The following FAM114A2 variants were observed in gnomAD, a reference collection of about 807,000 sequenced individuals.
The protein encoded by FAM114A2 is family with sequence similarity 114 member A2.
FAM114A2 carries 53 observed loss-of-function variants against 58.4 expected under a neutral mutation model. The ratio of observed to expected loss-of-function variants is 0.91; its 90% confidence interval spans 0.73 to 1.14. The LOEUF is 1.14. FAM114A2 is among the 50% of genes most tolerant of loss of function. The pLI is 0.00. For synonymous variants in FAM114A2, 228 were observed against 211.4 expected (o/e 1.08, Z -0.68); for missense variants, 601 against 581.1 (o/e 1.03, Z -0.35).
chr5:154,022,987 C>T (rs1022180837), intron 8 of FAM114A2, among the ~76,000 whole-genome samples: 7 of 152,084 alleles, frequency 4.6e-5, no homozygotes, highest in Admixed American at 2.0e-4. Flanking sequence ...TCCTTTGTAG[C>T]GACATGGATG....
At chr5:154,026,315 G>A in intron 8 of FAM114A2, 84 bp downstream of exon 8, 1 of 1,033,616 alleles carries the variant, frequency 9.7e-7, no homozygotes, top group Non-Finnish European at 1.3e-6. Context: ...AGTGTAATAA[G>A]AGTAAATAAT....
Position 153,994,958 on chromosome 5 carries a change from T to C in FAM114A2, c.1344A>G (p.Ala448=), listed in dbSNP as rs757360037. 3.1e-6 allele frequency: 5 copies of C among 1,609,386 alleles called. No individual in the cohort carries two copies. Among genetic ancestry groups the C allele is most frequent in the East Asian group, 4.5e-5 (2 of 44,762 alleles). ...CLTTAGVKEM[A]DVLNPLITAV... is the part of the protein sequence containing the mutation. ...CAGTGATTAATGGGTTAAGGACATC[T>C]GCCATTTCTTTGACCTGGAATAACG... Residue 448 remains alanine, a synonymous_variant, in exon 13 of 14, where the codon GCA becomes GCG. Transcript: ENST00000351797.
At chr5:153,995,975 T>C (rs961138682) in intron 12 of FAM114A2, among the ~76,000 whole-genome samples, 1 of 152,140 alleles carries the variant, frequency 6.6e-6, no homozygotes, top group Non-Finnish European at 1.5e-5. Flanking sequence ...TCTCAGAAGA[T>C]AGCATAAAAA....
rs150699185 is a variant in FAM114A2 at position 154,034,936 on chromosome 5, A to G, written c.18T>C (p.Asp6=). 8 of 1,613,472 alleles carry G rather than the reference A, an allele frequency of 5.0e-6. No homozygotes were observed. The African/African-American group carries it at 1.1e-4, about 22-fold the overall frequency. Residue 6 remains aspartate (D), a synonymous_variant, in exon 2 of 14, where the codon GAT becomes GAC. Coordinates refer to ENST00000351797, the MANE Select transcript of FAM114A2 (RefSeq NM_018691.4). MSDKD[D]IETPLLTEAA... ...CTTCAGTTAGCAGTGGAGTCTCAAT[A>G]TCATCTTTATCTGACATGATTAGAA...
Position 153,997,884 on chromosome 5 carries a change from G to A in FAM114A2, c.1257-9C>T, listed in dbSNP as rs1229767876. On this transcript the variant is annotated splice_polypyrimidine_tract_variant and intron_variant, in intron 11 of 13. Coordinates refer to ENST00000351797, the MANE Select transcript of FAM114A2 (RefSeq NM_018691.4). ...ACAACACAATTGTCATCCTAGGAAA[G>A]AAAGGAAAAGTCAGAAACGTTTTTT... 9.0e-6 allele frequency: 14 copies of A among 1,549,070 alleles called. No homozygotes were observed. The African/African-American group carries it at 1.5e-4, about 17-fold the overall frequency.
intron 1 of FAM114A2, chr5:154,037,127 G>A (rs1201037196): frequency 6.6e-6 from 1 of 152,182 alleles, no homozygotes; most frequent in Admixed American, 6.5e-5. Flanking sequence ...CCAATGACAG[G>A]ATTCAAGGAT....
At chr5:154,000,989 C>T (rs1356285701) in intron 11 of FAM114A2, among the ~76,000 whole-genome samples, 3 of 152,098 alleles carry the variant, frequency 2.0e-5, no homozygotes, top group Admixed American at 2.0e-4. Flanking sequence ...CTAATTTTTA[C>T]AACAACTCCA....
intron 12 of FAM114A2, among the ~76,000 whole-genome samples, chr5:153,995,950 T>C (rs1351581000): frequency 6.6e-6 from 1 of 152,232 alleles, no homozygotes; most frequent in Non-Finnish European, 1.5e-5. Flanking sequence ...TCAAGGTCTA[T>C]ATTTCCATTA....
intron 8 of FAM114A2, among the ~76,000 whole-genome samples, chr5:154,017,281 A>G (rs2113368036): frequency 6.6e-6 from 1 of 152,280 alleles, no homozygotes; most frequent in Non-Finnish European, 1.5e-5. Flanking sequence ...CGTCTCTACT[A>G]AAAATACAAA....
At chr5:154,011,726 T>G (rs908480763) in intron 8 of FAM114A2, among the ~76,000 whole-genome samples, 4 of 152,192 alleles carry the variant, frequency 2.6e-5, no homozygotes, top group African/African-American at 9.6e-5. Flanking sequence ...AAGCAAGTAC[T>G]GTACATGCGC....
chr5:154,034,981 AGC>A lies in FAM114A2; in HGVS notation c.-14-16_-14-15del. The A allele has an allele frequency of 1.3e-6, 2 of 1,507,624 alleles. No individual in the cohort carries two copies. The highest frequency in any genetic ancestry group is 2.0e-5 in the Admixed American group (1 of 49,352). 93.4% of individuals were successfully genotyped at this position (1,507,624 alleles called of 1,614,324 possible). On this transcript the variant is annotated splice_polypyrimidine_tract_variant and intron_variant, in intron 1 of 13. Coordinates refer to ENST00000351797, the MANE Select transcript of FAM114A2 (RefSeq NM_018691.4). ...TTAGAACATCAGCTGGTAAAATGAA[AGC>A]CCAAAAAAAATTTATATAGGCTTCT... is the stretch of plus-strand genomic sequence containing the variant.
chr5:153,998,843 A>G (rs1325810752), intron 11 of FAM114A2, among the ~76,000 whole-genome samples: 1 of 152,264 alleles, frequency 6.6e-6, no homozygotes, highest in African/African-American at 2.4e-5. Context: ...CCAAAGCCCA[A>G]GAGTTGTGAT....
At chr5:153,999,713 C>T (rs2113209510) in intron 11 of FAM114A2, among the ~76,000 whole-genome samples, 1 of 150,734 alleles carries the variant, frequency 6.6e-6, no homozygotes, top group East Asian at 1.9e-4. Context: ...TAAATTAGTA[C>T]AACCACTATG....
intron 1 of FAM114A2, among the ~76,000 whole-genome samples, chr5:154,035,446 C>G (rs926549016): frequency 6.6e-6 from 1 of 152,188 alleles, no homozygotes; most frequent in African/African-American, 2.4e-5. Context: ...TGAAATCATA[C>G]AGCATATTAC....
chr5:154,033,156 T>G (rs550013272), intron 4 of FAM114A2, among the ~76,000 whole-genome samples: 4 of 152,312 alleles, frequency 2.6e-5, no homozygotes, highest in East Asian at 3.9e-4. Flanking sequence ...AAAGTCAGTC[T>G]GCTTCAAGAA....
intron 5 of FAM114A2, among the ~76,000 whole-genome samples, chr5:154,028,652 C>T (rs1416402540): frequency 6.6e-6 from 1 of 152,142 alleles, no homozygotes; most frequent in African/African-American, 2.4e-5. Flanking sequence ...ATAAATAAAA[C>T]GTGACAAAGC....
intron 4 of FAM114A2, among the ~76,000 whole-genome samples, chr5:154,032,941 G>A (rs1053418597): frequency 6.6e-6 from 1 of 152,158 alleles, no homozygotes; most frequent in Non-Finnish European, 1.5e-5. Flanking sequence ...TTTAACTGAT[G>A]CAGGCATCAC....
chr5:154,002,591 G>T (rs1389444788), intron 10 of FAM114A2, among the ~76,000 whole-genome samples: 1 of 152,086 alleles, frequency 6.6e-6, no homozygotes, highest in Non-Finnish European at 1.5e-5. Flanking sequence ...ACTAAGTTTT[G>T]GCCAAATGAT....
chr5:154,011,162 G>T, intron 9 of FAM114A2, 79 bp downstream of exon 9: 1 of 1,140,298 alleles, frequency 8.8e-7, no homozygotes, highest in South Asian at 1.4e-5. Context: ...CCTCTGCCAG[G>T]AATTTATAAT....
Sources: allele counts gnomAD v4.1 joint callset (sites outside exome capture counted in the v4.1 genomes callset), GRCh38; gene constraint gnomAD v4.1.1; transcripts MANE v1.5; gene names NCBI Gene and HGNC (gene_info 2026-07-23, HGNC 2026-07-21).